FREM1: variants seen among roughly 807,000 people sequenced by gnomAD.
The protein encoded by FREM1 is FRAS1-related extracellular matrix protein 1.
In FREM1, 220 loss-of-function variants were observed where a neutral mutation model predicts 210.1. The observed-to-expected ratio is 1.05, with a 90% CI of 0.94 to 1.17. FREM1 has a LOEUF of 1.17. FREM1 is among the 50% of genes most tolerant of loss of function. The pLI is 0.00. For synonymous variants in FREM1, 1,189 were observed against 980.2 expected (o/e 1.21, Z -3.98); for missense variants, 3,454 against 2,675.5 (o/e 1.29, Z -6.42).
At chr9:14,775,731 A>AAAAAAAAAAAAG (rs71323911) in intron 25 of FREM1, 58 bp downstream of exon 25, 1 of 370,708 alleles carries the variant, frequency 2.7e-6, no homozygotes, top group African/African-American at 2.9e-5. Flanking sequence ...AAAAAAAAAA[A>AAAAAAAAAAAAG]TTCTCGATGT....
rs753412098 is a variant in FREM1 at position 14,776,275 on chromosome 9, AAT to A, written c.4443-74_4443-73del. The stretch of plus-strand genomic sequence containing the variant: ...CCATCTACTGGAATGAAATGATAAC[AAT>A]ACACACCTTTACTAAAGGGTATTGT... On this transcript the variant is annotated intron_variant, in intron 24 of 36. Coordinates refer to ENST00000380880, the MANE Select transcript of FREM1 (RefSeq NM_001379081.2). The A allele has an allele frequency of 3.5e-6, 5 of 1,446,974 alleles. No homozygotes were observed. In the East Asian group the frequency reaches 9.4e-5, roughly 27 times the overall value. 89.6% of individuals were successfully genotyped at this position (1,446,974 alleles called of 1,614,324 possible).
intron 1 of FREM1, among the ~76,000 whole-genome samples, chr9:14,885,816 A>G (rs568230188): frequency 1.5e-4 from 23 of 152,342 alleles, no homozygotes; most frequent in African/African-American, 5.5e-4. Context: ...CAAATAACTA[A>G]CATATCTATT....
rs1554708770 is a variant in FREM1, at chr9:14,861,310, T to TAC, written c.330-1828_330-1827dup. Among the ~76,000 whole-genome samples the TAC allele has an allele frequency of 2.0e-3, 218 of 107,714 alleles. 7 individuals are homozygous for TAC. Among genetic ancestry groups the TAC allele is most frequent in the Non-Finnish European group, 2.8e-3 (167 of 59,416 alleles). The allele number at this position is 107,714 out of a possible 152,430, so 70.7% of individuals were successfully genotyped here. A position where few individuals can be genotyped will look rare whatever the true frequency, so the allele number is the denominator to read the frequency against. ...ACATATATACATATATACACATATATACATATATACACATATATACATATA... is the reference window on the plus strand; with the variant it reads ...ACATATATACATATATACACATATATACACATATATACACATATATACATATA... On this transcript the variant is annotated intron_variant, in intron 3 of 36. Coordinates refer to ENST00000380880, the MANE Select transcript of FREM1 (RefSeq NM_001379081.2).
intron 1 of FREM1, among the ~76,000 whole-genome samples, chr9:14,871,182 G>A (rs1832605842): frequency 1.3e-5 from 2 of 152,132 alleles, no homozygotes; most frequent in African/African-American, 4.8e-5. Flanking sequence ...TAATGGGATG[G>A]CTGGGTCAAA....
At chr9:14,788,245 A>T (rs1490129220) in intron 23 of FREM1, among the ~76,000 whole-genome samples, 2 of 152,168 alleles carry the variant, frequency 1.3e-5, no homozygotes, top group Non-Finnish European at 2.9e-5. Context: ...GGGTAGTAAC[A>T]GTTGGGTATC....
intron 36 of FREM1, among the ~76,000 whole-genome samples, chr9:14,738,232 C>T (rs1188973351): frequency 2.6e-5 from 4 of 152,104 alleles, no homozygotes; most frequent in African/African-American, 7.2e-5. Context: ...TTTTCTTAAG[C>T]ATTCCCCTAC....
intron 1 of FREM1, among the ~76,000 whole-genome samples, chr9:14,895,394 T>C (rs1369519788): frequency 1.3e-5 from 2 of 152,182 alleles, no homozygotes; most frequent in African/African-American, 4.8e-5. Flanking sequence ...TGAGTATTTT[T>C]CTGCAATTTA....
intron 1 of FREM1, among the ~76,000 whole-genome samples, chr9:14,895,539 A>G (rs1012977936): frequency 6.6e-6 from 1 of 152,128 alleles, no homozygotes; most frequent in Non-Finnish European, 1.5e-5. Flanking sequence ...TAACAACTCC[A>G]TATCTGCTTG....
chr9:14,777,433 C>G (rs992999175), intron 24 of FREM1, among the ~76,000 whole-genome samples: 24 of 152,078 alleles, frequency 1.6e-4, no homozygotes, highest in Admixed American at 1.2e-3. Context: ...TCACTGTACA[C>G]CAAAGAAATG....
chr9:14,871,427 G>C (rs1225159418), intron 1 of FREM1, among the ~76,000 whole-genome samples: 1 of 152,126 alleles, frequency 6.6e-6, no homozygotes, highest in Non-Finnish European at 1.5e-5. Flanking sequence ...ATTTTTTCAT[G>C]TGTTATTTGG....
intron 1 of FREM1, among the ~76,000 whole-genome samples, chr9:14,894,973 C>T (rs1837451011): frequency 6.6e-6 from 1 of 152,166 alleles, no homozygotes; most frequent in African/African-American, 2.4e-5. Context: ...GGAAAAATGG[C>T]CTCATACCTT....
intron 25 of FREM1, among the ~76,000 whole-genome samples, chr9:14,773,481 ACACTGCTGGTGGGGTCAGT>A (rs1409550841): frequency 2.6e-5 from 4 of 152,140 alleles, no homozygotes; most frequent in Non-Finnish European, 5.9e-5. Context: ...CATCTCTCCT[ACACTGCTGGTGGGGTCAGT>A]CACTTTCTAA....
At chr9:14,808,162 T>C (rs1249603102) in intron 16 of FREM1, 28 bp from the exon 17 acceptor site, 3 of 1,472,496 alleles carry the variant, frequency 2.0e-6, no homozygotes, top group Non-Finnish European at 1.8e-6. Flanking sequence ...AGCTGAAACC[T>C]GCCTTTTAAA....
chr9:14,770,505 T>C (rs775343148), intron 26 of FREM1, 100 bp downstream of exon 26: 21 of 810,954 alleles, frequency 2.6e-5, no homozygotes, highest in Non-Finnish European at 3.9e-5. Flanking sequence ...CCCTGGGGAG[T>C]GTTTACCAAA....
chr9:14,774,511 A>ATCCCTC (rs1848195655), intron 25 of FREM1, among the ~76,000 whole-genome samples: 1 of 136,258 alleles, frequency 7.3e-6, no homozygotes, highest in African/African-American at 2.8e-5. Context: ...CCTAAAATAA[A>ATCCCTC]TCTCTCTCTC....
chr9:14,853,065 C>A (rs1828062152), intron 5 of FREM1, among the ~76,000 whole-genome samples: 1 of 152,186 alleles, frequency 6.6e-6, no homozygotes, highest in Non-Finnish European at 1.5e-5. Flanking sequence ...ACTTTCCTGA[C>A]CTTCAACACC....
intron 5 of FREM1, among the ~76,000 whole-genome samples, chr9:14,853,265 C>T (rs1318890897): frequency 2.0e-5 from 3 of 152,160 alleles, no homozygotes; most frequent in Admixed American, 1.3e-4. Flanking sequence ...CAACAAGGGA[C>T]ATATAAATGT....
At chr9:14,776,507 T>C (rs575568241) in intron 24 of FREM1, among the ~76,000 whole-genome samples, 76 of 152,330 alleles carry the variant, frequency 5.0e-4, no homozygotes, top group African/African-American at 1.7e-3. Context: ...TGTGGTTCCT[T>C]GACGCAAATA....
intron 1 of FREM1, among the ~76,000 whole-genome samples, chr9:14,884,013 G>A (rs1393294328): frequency 6.6e-6 from 1 of 152,176 alleles, no homozygotes; most frequent in Non-Finnish European, 1.5e-5. Context: ...CGGATCACCT[G>A]AGGTCAGGAG....
Sources: allele counts gnomAD v4.1 joint callset (sites outside exome capture counted in the v4.1 genomes callset), GRCh38; gene constraint gnomAD v4.1.1; transcripts MANE v1.5; gene names NCBI Gene and HGNC (gene_info 2026-07-23, HGNC 2026-07-21).